Variants in RREB1 observed in about 807,000 individuals in gnomAD.
RREB1 encodes ras responsive element binding protein 1.
Under a neutral mutation model 117.8 loss-of-function variants are expected in RREB1, and 27 were observed. That is an observed-to-expected ratio of 0.23 (90% confidence interval 0.17 to 0.32). RREB1 has a LOEUF of 0.32. Among genes scored for constraint, RREB1 ranks in the 10% least tolerant of loss-of-function variants. The pLI, the probability that RREB1 is intolerant of heterozygous loss-of-function variation, is 1.00. For missense variants in RREB1, 2,577 were observed against 2,378.2 expected, an observed-to-expected ratio of 1.08 and a Z score of -1.74; for synonymous variants, 1,298 against 1,026.7, an observed-to-expected ratio of 1.26 and a Z score of -5.05.
intron 11 of RREB1, among the ~76,000 whole-genome samples, chr6:7,242,324 A>G (rs987488283): frequency 3.9e-5 from 6 of 152,192 alleles, no homozygotes; most frequent in Non-Finnish European, 7.3e-5. Context: ...AAGTGTATTT[A>G]TAAGTTTGCA....
Position 7,240,507 on chromosome 6 carries a change from A to C in RREB1, c.3878A>C (p.Gln1293Pro), listed in dbSNP as rs1403531551. 6.2e-7 allele frequency: 1 copy of C among 1,613,988 alleles called. No homozygotes were observed. Among genetic ancestry groups the C allele is most frequent in the East Asian group, 2.2e-5 (1 of 44,876 alleles). ...FSTKSNCERH[Q>P]LRKHGVTTCS... ...ACCAAATCTAACTGTGAACGCCACC[A>C]GTTGCGCAAACACGGAGTTACCACC... is the stretch of plus-strand genomic sequence containing the variant. Residue 1293 changes from glutamine to proline, a missense_variant, in exon 11 of 13, where the codon CAG (glutamine) becomes CCG (proline). Gln to Pro is a moderately conservative substitution (Grantham distance 76). Transcript: ENST00000379938.
Position 7,231,013 on chromosome 6 carries a change from T to C in RREB1, c.2914T>C (p.Cys972Arg). 1.2e-6 allele frequency: 2 copies of C among 1,614,054 alleles called. No homozygotes were observed. Among genetic ancestry groups the C allele is most frequent in the Non-Finnish European group, 1.7e-6 (2 of 1,180,012 alleles). Residue 972 changes from cysteine (C) to arginine (R), a missense_variant, in exon 10 of 13, where the codon TGC becomes CGC. Transcript: ENST00000379938. The stretch of plus-strand genomic sequence containing the variant: ...GGGGAGCAGCGAGCAGCCCTCTCCC[T>C]GCCCAGCACCCGGCCCTTCTCTTCC... ...EAGSSEQPSPCPAPGPSLPVT... is the reference protein window; with the variant it reads ...EAGSSEQPSPRPAPGPSLPVT...
intron 4 of RREB1, among the ~76,000 whole-genome samples, chr6:7,182,801 C>T (rs1456274875): frequency 2.0e-5 from 3 of 152,152 alleles, no homozygotes; most frequent in Non-Finnish European, 2.9e-5. Flanking sequence ...CCATGTAATA[C>T]GAGTTGACTT....
intron 5 of RREB1, 27 bp downstream of exon 5, chr6:7,187,550 AT>A: frequency 1.6e-6 from 1 of 636,512 alleles, no homozygotes; most frequent in Non-Finnish European, 2.2e-6. Flanking sequence ...CTTTTATTTT[AT>A]TTTATTTTAT....
intron 10 of RREB1, among the ~76,000 whole-genome samples, chr6:7,235,060 G>A (rs954334525): frequency 2.0e-5 from 3 of 152,232 alleles, no homozygotes; most frequent in Non-Finnish European, 4.4e-5. Flanking sequence ...CTACAGAATC[G>A]TGTTAGCCAC....
chr6:7,250,040 C>G lies in RREB1; in HGVS notation c.*1072C>G, dbSNP rs1008496037. On this transcript the variant is annotated 3_prime_UTR_variant, in exon 13 of 13. Transcript: ENST00000379938. The stretch of plus-strand genomic sequence containing the variant: ...GTGAGCAGTCTTCCCAAGCATGGTC[C>G]AGGAGCAGCTCAGAGAGGGTGGAGT... 6.6e-6 allele frequency: 1 copy of G among 152,628 alleles called. No homozygotes were observed. Among genetic ancestry groups the G allele is most frequent in the Non-Finnish European group, 1.5e-5 (1 of 68,084 alleles). 9.5% of individuals were successfully genotyped at this position (152,628 alleles called of 1,614,324 possible). A position where few individuals can be genotyped will look rare whatever the true frequency, so the allele number is the denominator to read the frequency against.
intron 1 of RREB1, among the ~76,000 whole-genome samples, chr6:7,156,002 A>G (rs1421971239): frequency 6.6e-6 from 1 of 152,182 alleles, no homozygotes; most frequent in South Asian, 2.1e-4. Flanking sequence ...TTCGGGTTTC[A>G]TGTTGGCTGG....
In RREB1 at chr6:7,248,546, A is replaced by G; in HGVS notation, c.4807A>G (p.Thr1603Ala). 2 of 1,614,230 alleles carry G rather than the reference A, an allele frequency of 1.2e-6. No individual in the cohort carries two copies. The highest frequency in any genetic ancestry group is 1.7e-6 in the Non-Finnish European group (2 of 1,180,044). The change falls in exon 13 of 13, where the codon ACC becomes GCC. Residue 1603 changes from threonine (T) to alanine (A), a missense_variant. Transcript: ENST00000379938. ...ATACAAATGTCAGACCTGCGAGCGA[A>G]CCTTCACCTTGAAGCACAGCCTGGT... ...RPYKCQTCERTFTLKHSLVRH... is the reference protein window; with the variant it reads ...RPYKCQTCERAFTLKHSLVRH...
intron 6 of RREB1, among the ~76,000 whole-genome samples, chr6:7,206,677 CT>C (rs1240028086): frequency 6.6e-6 from 1 of 152,180 alleles, no homozygotes; most frequent in African/African-American, 2.4e-5. Flanking sequence ...GGAAGGAACA[CT>C]GAATTGTGGG....
chr6:7,141,986 C>T (rs1762618287), intron 1 of RREB1, among the ~76,000 whole-genome samples: 1 of 152,190 alleles, frequency 6.6e-6, no homozygotes. Context: ...CCCAGGCAGG[C>T]GGATCATCTG....
intron 6 of RREB1, among the ~76,000 whole-genome samples, chr6:7,205,940 G>GT (rs894640868): frequency 6.6e-6 from 1 of 152,236 alleles, no homozygotes; most frequent in Admixed American, 6.5e-5. Flanking sequence ...AGATTTGGGG[G>GT]TTTTTTCCAC....
intron 1 of RREB1, among the ~76,000 whole-genome samples, chr6:7,112,764 G>A (rs1032325314): frequency 3.3e-5 from 5 of 152,220 alleles, no homozygotes; most frequent in African/African-American, 1.2e-4. Flanking sequence ...AAGGTGGAGA[G>A]GGGTTTTTCC....
intron 2 of RREB1, among the ~76,000 whole-genome samples, chr6:7,180,139 T>C (rs1381190657): frequency 2.0e-5 from 3 of 152,234 alleles, no homozygotes; most frequent in African/African-American, 7.2e-5. Flanking sequence ...TCCTTTTACC[T>C]ACCAGTTGGA....
intron 1 of RREB1, among the ~76,000 whole-genome samples, chr6:7,113,088 G>C (rs1761224484): frequency 6.6e-6 from 1 of 152,194 alleles, no homozygotes; most frequent in Non-Finnish European, 1.5e-5. Flanking sequence ...TGTTCAGTGT[G>C]ATTCAAGCCA....
chr6:7,230,477 A>G lies in RREB1; in HGVS notation c.2378A>G (p.Lys793Arg), dbSNP rs1290626124. 8.8e-6 allele frequency: 14 copies of G among 1,594,620 alleles called. No homozygotes were observed. The highest frequency in any genetic ancestry group is 1.6e-4 in the Middle Eastern group (1 of 6,072). Residue 793 changes from lysine to arginine, a missense_variant, in exon 10 of 13, where the codon AAG (lysine) becomes AGG (arginine). Lys to Arg is a conservative substitution (Grantham distance 26, BLOSUM62 2). Transcript: ENST00000379938. Reference sequence around the variant, plus strand: ...AAGGGCCGCAAGCCCTTCGAGTGCAAGGAGTGCAGCGCCGCGTTCGCGGCC... The same window carrying G: ...AAGGGCCGCAAGCCCTTCGAGTGCAGGGAGTGCAGCGCCGCGTTCGCGGCC... Reference protein sequence around the residue: ...GHKGRKPFECKECSAAFAAKR... With the variant: ...GHKGRKPFECRECSAAFAAKR...
In RREB1 at chr6:7,189,272, C is replaced by T; in HGVS notation, c.375C>T (p.Tyr125=). Residue 125 remains tyrosine (Y), a synonymous_variant, in exon 6 of 13, where the codon TAC becomes TAT. Transcript: ENST00000379938. The part of the protein sequence containing the change: ...HMLVHSGERP[Y]KCTVCGQSFT... ...TGGTGCACTCTGGCGAGAGGCCTTA[C>T]AAGTGCACTGTGTGTGGCCAGTCAT... 6.2e-7 allele frequency: 1 copy of T among 1,606,102 alleles called. No individual in the cohort carries two copies.
At chr6:7,209,167 T>C (rs1363357535) in intron 6 of RREB1, among the ~76,000 whole-genome samples, 1 of 152,216 alleles carries the variant, frequency 6.6e-6, no homozygotes, top group African/African-American at 2.4e-5. Flanking sequence ...TCAAAAGATA[T>C]AGCTTGAAAT....
At position 7,229,523 on chromosome 6, in the gene RREB1, A is replaced by C; in HGVS notation, c.1424A>C (p.Lys475Thr). ...CTGGCAGACATCCAGCAAATTCTGA[A>C]GATGGCAGCCTCGGCTCCCCCTCAG... is the stretch of plus-strand genomic sequence containing the variant. ...IELADIQQIL[K>T]MAASAPPQIS... Residue 475 changes from lysine (K) to threonine (T), a missense_variant, in exon 10 of 13, where the codon AAG becomes ACG. By Grantham distance (78) the Lys-to-Thr change is moderately conservative. Coordinates refer to ENST00000379938, the MANE Select transcript of RREB1 (RefSeq NM_001003699.4). The surrounding 1 kb of genome is among the most constrained non-coding windows in gnomAD (Gnocchi z 4.5). 6.2e-7 allele frequency: 1 copy of C among 1,614,114 alleles called. No individual in the cohort carries two copies. The highest frequency in any genetic ancestry group is 1.7e-5 in the Admixed American group (1 of 60,014).
intron 1 of RREB1, among the ~76,000 whole-genome samples, chr6:7,174,406 AAACC>A (rs1764397723): frequency 6.6e-6 from 1 of 152,050 alleles, no homozygotes; most frequent in African/African-American, 2.4e-5. Flanking sequence ...TCTTTCTCTA[AAACC>A]ATCCTCTCCT....
Sources: gnomAD v4.1 joint callset for allele counts (sites outside exome capture counted in the v4.1 genomes callset) on GRCh38, gnomAD v4.1.1 for gene constraint, Gnocchi (gnomAD v3.1) non-coding constraint, MANE v1.5 for transcripts, NCBI Gene and HGNC (gene_info 2026-07-23, HGNC 2026-07-21) for gene names.